MALRD1: variants seen among roughly 807,000 people sequenced by gnomAD.
The protein encoded by MALRD1 is MAM and LDL-receptor class A domain-containing protein 1.
Under a neutral mutation model 242.1 loss-of-function variants are expected in MALRD1, and 247 were observed. The ratio of observed to expected loss-of-function variants is 1.02; its 90% CI spans 0.92 to 1.13. MALRD1 has a LOEUF of 1.13. Ranked by LOEUF, MALRD1 falls within the 50% of genes most tolerant of loss-of-function variation. The pLI is 0.00. For missense variants in MALRD1, 2,989 were observed against 2,533.1 expected, an observed-to-expected ratio of 1.18 and a Z score of -3.86; for synonymous variants, 995 against 866.6, an observed-to-expected ratio of 1.15 and a Z score of -2.60.
At chr10:19,245,284 A>G (rs1230174409) in intron 18 of MALRD1, among the ~76,000 whole-genome samples, 1 of 152,180 alleles carries the variant, frequency 6.6e-6, no homozygotes, top group Non-Finnish European at 1.5e-5. Context: ...GTAGAAATAA[A>G]TAGAGAGCTC....
intron 4 of MALRD1, among the ~76,000 whole-genome samples, chr10:19,095,518 T>C (rs1835994312): frequency 6.6e-6 from 1 of 152,180 alleles, no homozygotes; most frequent in Admixed American, 6.5e-5. Flanking sequence ...AGTCTTTCTA[T>C]CAACAATTCA....
At position 19,531,306 on chromosome 10, in the gene MALRD1, GT is replaced by G. The variant is rs1564418342; in HGVS notation, c.5435del (p.Phe1812SerfsTer5). ...CAAGCCTTGGAATGTGTACTGTTCG[GT>G]TCTGGTTCTACATGATTGATCCCAG... ...PASLGMCTVR[F>X]WFYMIDPRSM... On this transcript the variant is annotated frameshift_variant, in exon 32 of 40. Transcript: ENST00000454679. LOFTEE classifies it high-confidence loss of function. 1 of 1,549,058 alleles carries G rather than the reference GT, an allele frequency of 6.5e-7. No homozygotes were observed. Among genetic ancestry groups the G allele is most frequent in the Admixed American group, 2.0e-5 (1 of 50,924 alleles).
At chr10:19,518,688 A>T (rs1833745771) in intron 31 of MALRD1, among the ~76,000 whole-genome samples, 1 of 152,140 alleles carries the variant, frequency 6.6e-6, no homozygotes, top group African/African-American at 2.4e-5. Context: ...TAAATACTAA[A>T]ATACAATTAT....
chr10:19,349,334 C>A (rs1156689700), intron 25 of MALRD1, among the ~76,000 whole-genome samples: 1 of 152,184 alleles, frequency 6.6e-6, no homozygotes, highest in Non-Finnish European at 1.5e-5. Flanking sequence ...TATCAAACAG[C>A]CTTCAACACC....
chr10:19,587,458 C>T (rs1361073121), intron 33 of MALRD1, among the ~76,000 whole-genome samples: 2 of 152,160 alleles, frequency 1.3e-5, no homozygotes, highest in Non-Finnish European at 2.9e-5. Flanking sequence ...GACAATTTTC[C>T]TTTTCTCTAA....
chr10:19,615,516 C>CAAAA lies in MALRD1; in HGVS notation c.6071-325_6071-322dup, dbSNP rs530920512. On this transcript the variant is annotated intron_variant, in intron 35 of 39. Transcript: ENST00000454679. Reference sequence around the variant, plus strand: ...TGAATGACAGAGCAAGACCCTGCCTCAAAAAAAAAAAAAAAAAAAGAGGAA... The same window carrying CAAAA: ...TGAATGACAGAGCAAGACCCTGCCTCAAAAAAAAAAAAAAAAAAAAAAAGAGGAA... 1.6e-3 allele frequency among the ~76,000 whole-genome samples: 60 copies of CAAAA among 37,208 alleles called. 3 individuals are homozygous for CAAAA. The highest frequency in any genetic ancestry group is 3.3e-3 in the African/African-American group (23 of 7,066). 24.4% of individuals were successfully genotyped at this position (37,208 alleles called of 152,430 possible). A position where few individuals can be genotyped will look rare whatever the true frequency, so the allele number is the denominator to read the frequency against.
chr10:19,366,316 A>G lies in MALRD1; in HGVS notation c.4441+14019A>G, dbSNP rs572788881. 3.9e-5 allele frequency among the ~76,000 whole-genome samples: 6 copies of G among 152,076 alleles called. No homozygotes were observed. In the East Asian group the frequency reaches 9.7e-4, roughly 25 times the overall value. On this transcript the variant is annotated intron_variant, in intron 26 of 39. Coordinates refer to ENST00000454679, the MANE Select transcript of MALRD1 (RefSeq NM_001142308.3). ...CACACAACCTAGATCCCTTGCATGC[A>G]CAGCAAATAATAGGGTTTGCGCTCC...
At chr10:19,359,900 T>A (rs1207291667) in intron 26 of MALRD1, among the ~76,000 whole-genome samples, 1 of 152,072 alleles carries the variant, frequency 6.6e-6, no homozygotes, top group African/African-American at 2.4e-5. Flanking sequence ...CGGATAGACA[T>A]CACTGGTTTC....
chr10:19,095,650 T>C (rs1040912091), intron 4 of MALRD1, among the ~76,000 whole-genome samples: 1 of 152,162 alleles, frequency 6.6e-6, no homozygotes, highest in Non-Finnish European at 1.5e-5. Flanking sequence ...ATACTATGTG[T>C]CCCTGGGCCC....
intron 4 of MALRD1, among the ~76,000 whole-genome samples, chr10:19,095,929 C>T (rs572460929): frequency 8.5e-5 from 13 of 152,226 alleles, no homozygotes; most frequent in African/African-American, 2.4e-4. Flanking sequence ...CATCTCTCTC[C>T]GTTCTTGCAG....
intron 32 of MALRD1, among the ~76,000 whole-genome samples, chr10:19,551,511 A>G (rs764030630): frequency 1.3e-5 from 2 of 152,136 alleles, no homozygotes; most frequent in South Asian, 2.1e-4. Flanking sequence ...GCACTGAGAC[A>G]GTGGGGTTTT....
At chr10:19,428,442 A>G (rs1048109480) in intron 28 of MALRD1, among the ~76,000 whole-genome samples, 5 of 151,904 alleles carry the variant, frequency 3.3e-5, no homozygotes, top group African/African-American at 1.2e-4. Flanking sequence ...TTATTTCTCA[A>G]ATGACTTTTC....
chr10:19,515,432 G>A (rs1162851305), intron 31 of MALRD1, among the ~76,000 whole-genome samples: 1 of 152,014 alleles, frequency 6.6e-6, no homozygotes, highest in Non-Finnish European at 1.5e-5. Flanking sequence ...CTTTAGTCCT[G>A]TAATGAGAAA....
At chr10:19,286,507 T>G (rs1588853556) in intron 21 of MALRD1, among the ~76,000 whole-genome samples, 2 of 152,314 alleles carry the variant, frequency 1.3e-5, no homozygotes, top group African/African-American at 4.8e-5. Flanking sequence ...TCTATTGAGA[T>G]AATCATGTGG....
intron 38 of MALRD1, among the ~76,000 whole-genome samples, chr10:19,707,055 CCTCCTCCTTTCTTCTACTTCTCCCTT>C (rs1174906655): frequency 1.3e-5 from 2 of 150,320 alleles, no homozygotes; most frequent in African/African-American, 4.9e-5. Context: ...TCTTCTTCCT[CCTCCTCCTTTCTTCTACTTCTCCCTT>C]CTCCTCCTCC....
Position 19,203,807 on chromosome 10 carries a change from C to T in MALRD1, c.2031C>T (p.Ser677=). 1 of 1,550,546 alleles carries T rather than the reference C, an allele frequency of 6.4e-7. No homozygotes were observed. Among genetic ancestry groups the T allele is most frequent in the South Asian group, 1.2e-5 (1 of 84,052 alleles). ...GTGACCATTTTGACTGGATACGGAGCTCTCAGAGTGAACTTTCTGCTGATT... is the reference window on the plus strand; with the variant it reads ...GTGACCATTTTGACTGGATACGGAGTTCTCAGAGTGAACTTTCTGCTGATT... ...ISGDHFDWIR[S]SQSELSADFE... The change falls in exon 15 of 40, where the codon AGC becomes AGT. Residue 677 remains serine (S), a synonymous_variant. Coordinates refer to ENST00000454679, the MANE Select transcript of MALRD1 (RefSeq NM_001142308.3).
chr10:19,347,715 T>C (rs1844194069), intron 24 of MALRD1, 56 bp from the exon 25 acceptor site: 5 of 1,535,248 alleles, frequency 3.3e-6, no homozygotes, highest in Non-Finnish European at 4.4e-6. Context: ...GAATTGCATG[T>C]TTTAAAGTAG....
chr10:19,725,982 C>T (rs368465592), intron 38 of MALRD1, among the ~76,000 whole-genome samples: 1 of 152,152 alleles, frequency 6.6e-6, no homozygotes, highest in African/African-American at 2.4e-5. Flanking sequence ...AGAGCAAAAG[C>T]CATAATGCAT....
intron 29 of MALRD1, chr10:19,488,984 C>A: frequency 2.2e-6 from 1 of 445,400 alleles, no homozygotes. Context: ...AAGGCGGGCT[C>A]CCAATCCGGT....
Sources: gnomAD v4.1 joint callset for allele counts (sites outside exome capture counted in the v4.1 genomes callset) on GRCh38, gnomAD v4.1.1 for gene constraint, MANE v1.5 for transcripts, NCBI Gene and HGNC (gene_info 2026-07-23, HGNC 2026-07-21) for gene names.